The following TRRAP variants were observed in gnomAD, a reference collection of about 807,000 sequenced individuals.
TRRAP encodes transformation/transcription domain associated protein, also known as transformation/transcription domain-associated protein.
TRRAP carries 41 observed loss-of-function variants against 438.8 expected under a neutral mutation model. The observed-to-expected ratio is 0.09, with a 90% CI of 0.07 to 0.12. The LOEUF is 0.12. Among genes scored for constraint, TRRAP ranks in the 10% least tolerant of loss-of-function variants. TRRAP has a pLI of 1.00. For synonymous variants in TRRAP, 1,994 were observed against 1,962.9 expected (o/e 1.02, Z -0.42); for missense variants, 3,122 against 5,055.1 (o/e 0.62, Z 11.60).
intron 19 of TRRAP, 135 bp downstream of exon 19, chr7:98,916,023 C>T: frequency 1.7e-6 from 2 of 1,199,830 alleles, no homozygotes; most frequent in Middle Eastern, 2.2e-4. Context: ...GGCACATCCG[C>T]CGCCCCCCTG....
chr7:98,928,560 C>T (rs960322001), intron 23 of TRRAP, among the ~76,000 whole-genome samples: 5 of 152,166 alleles, frequency 3.3e-5, no homozygotes, highest in Non-Finnish European at 7.4e-5. Context: ...GTAACTTCCA[C>T]CTTGGACCTG....
intron 65 of TRRAP, 108 bp downstream of exon 65, chr7:98,992,335 T>G (rs993165072): frequency 8.6e-7 from 1 of 1,163,604 alleles, no homozygotes; most frequent in Non-Finnish European, 1.3e-6. Flanking sequence ...AGCTCACTCA[T>G]AGCCGTGGCC....
At chr7:98,897,711 G>C (rs781784626) in intron 7 of TRRAP, 30 bp from the exon 8 acceptor site, 5 of 1,582,018 alleles carry the variant, frequency 3.2e-6, no homozygotes, top group Non-Finnish European at 4.3e-6. Flanking sequence ...TTTGACTTTA[G>C]GAAAAAATAT....
intron 40 of TRRAP, among the ~76,000 whole-genome samples, chr7:98,954,704 G>T (rs1438674217): frequency 5.3e-5 from 8 of 152,220 alleles, no homozygotes; most frequent in African/African-American, 1.9e-4. Context: ...TCACTTGAGT[G>T]ACTGCAGCTG....
Position 98,978,866 on chromosome 7 carries a change from G to C in TRRAP, c.8596G>C (p.Val2866Leu). Residue 2866 changes from valine (V) to leucine (L), a missense_variant, in exon 58 of 73, where the codon GTG (valine) becomes CTG (leucine). Coordinates refer to ENST00000456197, the MANE Select transcript of TRRAP (RefSeq NM_001375524.1). Reference sequence around the variant, plus strand: ...CCTCGTCCTGGAGTGCGCCTGGCGGGTGTCCAACTGGACTGCCATGAAGGA... The same window carrying C: ...CCTCGTCCTGGAGTGCGCCTGGCGGCTGTCCAACTGGACTGCCATGAAGGA... Reference protein sequence around the residue: ...PYLVLECAWRVSNWTAMKEAL... With the variant: ...PYLVLECAWRLSNWTAMKEAL... 1 of 1,614,168 alleles carries C rather than the reference G, an allele frequency of 6.2e-7. No homozygotes were observed. Among genetic ancestry groups the C allele is most frequent in the Non-Finnish European group, 8.5e-7 (1 of 1,180,040 alleles).
intron 13 of TRRAP, among the ~76,000 whole-genome samples, chr7:98,907,991 C>CT (rs1395235719): frequency 1.3e-5 from 2 of 152,228 alleles, no homozygotes; most frequent in African/African-American, 4.8e-5. Context: ...ACCTCTGGGC[C>CT]TTTATCTTTC....
In TRRAP at chr7:98,895,759, T is replaced by C. The variant is rs782653296; in HGVS notation, c.451-5T>C. 6.2e-7 allele frequency: 1 copy of C among 1,601,246 alleles called. No homozygotes were observed. The highest frequency in any genetic ancestry group is 1.1e-5 in the South Asian group (1 of 87,800). On this transcript the variant is annotated splice_polypyrimidine_tract_variant and splice_region_variant and intron_variant, in intron 6 of 72. Coordinates refer to ENST00000456197, the MANE Select transcript of TRRAP (RefSeq NM_001375524.1). ...TCCTATAACGAAAGTGTCTGCTTTT[T>C]TTAGATTCATCATTTTCTGGATTTT...
chr7:98,953,377 T>C lies in TRRAP; in HGVS notation c.5674T>C (p.Leu1892=), dbSNP rs1554418721. ...VDPACKYSGH[L]LLAHIIAKFA... ...CCCAGCCTGCAAGTACAGCGGACAC[T>C]TGCTCCTGGCGCACATTATCGCCAA... Residue 1892 remains leucine, a synonymous_variant, in exon 40 of 73, where the codon TTG becomes CTG. Transcript: ENST00000456197. 1 of 1,613,748 alleles carries C rather than the reference T, an allele frequency of 6.2e-7. No individual in the cohort carries two copies. Among genetic ancestry groups the C allele is most frequent in the Admixed American group, 1.7e-5 (1 of 60,022 alleles).
chr7:98,941,237 G>A (rs1196970538), intron 30 of TRRAP, among the ~76,000 whole-genome samples: 2 of 152,106 alleles, frequency 1.3e-5, no homozygotes, highest in Non-Finnish European at 2.9e-5. Flanking sequence ...GTGCAGTGGC[G>A]TGATCATAGC....
At chr7:98,924,233 T>G (rs936083527) in intron 21 of TRRAP, among the ~76,000 whole-genome samples, 3 of 152,344 alleles carry the variant, frequency 2.0e-5, no homozygotes, top group East Asian at 3.9e-4. Flanking sequence ...AACATGAAAT[T>G]GTTAAACTCC....
At chr7:98,951,028 G>T (rs372734904) in intron 39 of TRRAP, 24 bp downstream of exon 39, 11 of 1,559,318 alleles carry the variant, frequency 7.1e-6, no homozygotes, top group Admixed American at 1.9e-5. Context: ...GTGTGTGGGT[G>T]TGAGAAGTAG....
chr7:98,946,097 G>C, intron 33 of TRRAP, 147 bp downstream of exon 33: 1 of 778,456 alleles, frequency 1.3e-6, no homozygotes, highest in African/African-American at 1.8e-5. Context: ...TGGCAGAGTT[G>C]TATCAGTATC....
chr7:99,008,301 G>C, intron 69 of TRRAP, 76 bp from the exon 70 acceptor site: 1 of 1,478,312 alleles, frequency 6.8e-7, no homozygotes, highest in Non-Finnish European at 9.3e-7. Context: ...TGCTCCCAGT[G>C]GCACTCTGAC....
intron 47 of TRRAP, among the ~76,000 whole-genome samples, chr7:98,962,789 TCA>T (rs1320989662): frequency 6.6e-6 from 1 of 152,204 alleles, no homozygotes; most frequent in Non-Finnish European, 1.5e-5. Flanking sequence ...AGTCAGCCAC[TCA>T]CAAGATGAGA....
chr7:98,892,793 G>A (rs1317079825), intron 5 of TRRAP, among the ~76,000 whole-genome samples: 1 of 152,198 alleles, frequency 6.6e-6, no homozygotes, highest in Non-Finnish European at 1.5e-5. Context: ...TGAGCCGGGT[G>A]CGGGCCCGCA....
intron 47 of TRRAP, among the ~76,000 whole-genome samples, chr7:98,964,302 T>G (rs1792055720): frequency 6.6e-6 from 1 of 152,190 alleles, no homozygotes; most frequent in Admixed American, 6.5e-5. Flanking sequence ...TTTTCTTATT[T>G]TTCCCAAACC....
chr7:98,981,621 T>A, intron 58 of TRRAP, 148 bp from the exon 59 acceptor site: 1 of 786,824 alleles, frequency 1.3e-6, no homozygotes, highest in South Asian at 2.1e-5. Flanking sequence ...GCATGACTTC[T>A]CTAAAGAAAA....
chr7:99,004,122 G>A (rs765435756), intron 67 of TRRAP, 68 bp from the exon 68 acceptor site: 57 of 1,426,748 alleles, frequency 4.0e-5, no homozygotes, highest in Non-Finnish European at 4.7e-5. Context: ...GGGCTTGAGC[G>A]TTTTTTGCAG....
chr7:98,881,635 A>G (rs1795440788), intron 2 of TRRAP: 1 of 299,050 alleles, frequency 3.3e-6, no homozygotes, highest in Admixed American at 4.7e-5. Flanking sequence ...GATGTTGTGT[A>G]CTTTGAGATT....
Sources: allele counts gnomAD v4.1 joint callset (sites outside exome capture counted in the v4.1 genomes callset), GRCh38; gene constraint gnomAD v4.1.1; transcripts MANE v1.5; gene names NCBI Gene and HGNC (gene_info 2026-07-23, HGNC 2026-07-21).